The following TGFA variants were observed in gnomAD, a reference collection of about 807,000 sequenced individuals.
TGFA encodes the protein protransforming growth factor alpha.
TGFA carries 12 observed loss-of-function variants against 21.7 expected under a neutral mutation model. The ratio of observed to expected loss-of-function variants is 0.55; its 90% CI spans 0.35 to 0.90. TGFA has a LOEUF of 0.90. Ranked by LOEUF, TGFA falls within the 40% of genes least tolerant of loss-of-function variation. The probability of loss-of-function intolerance (pLI) is 0.01; values close to 1 mark genes in which losing one functional copy is unlikely to be tolerated. For synonymous variants in TGFA, 79 were observed against 88.1 expected (o/e 0.90, Z 0.58); for missense variants, 178 against 210.8 (o/e 0.84, Z 0.96).
intron 2 of TGFA, among the ~76,000 whole-genome samples, chr2:70,497,131 G>T (rs924326989): frequency 3.9e-5 from 6 of 152,340 alleles, no homozygotes; most frequent in Admixed American, 1.3e-4. Flanking sequence ...GGAGACCAGG[G>T]AACCGGAGCA....
intron 1 of TGFA, among the ~76,000 whole-genome samples, chr2:70,548,691 T>G (rs1364287224): frequency 6.6e-6 from 1 of 152,228 alleles, no homozygotes; most frequent in Non-Finnish European, 1.5e-5. Context: ...ATACATTAAA[T>G]TCCATCTCAA....
At chr2:70,476,073 T>C (rs1553494247) in intron 2 of TGFA, among the ~76,000 whole-genome samples, 1 of 64,308 alleles carries the variant, frequency 1.6e-5, no homozygotes, top group Non-Finnish European at 3.2e-5. Context: ...GTCTTAGTAA[T>C]TTTAAGCAAA....
rs1401325328 is a variant in TGFA, at chr2:70,521,615, TTG to T, written c.41-6705_41-6704del. 8.7e-4 allele frequency among the ~76,000 whole-genome samples: 80 copies of T among 91,738 alleles called. 2 individuals are homozygous for T. The highest frequency in any genetic ancestry group is 8.2e-3 in the East Asian group (25 of 3,056). The allele number at this position is 91,738 out of a possible 152,430, so 60.2% of individuals were successfully genotyped here. On this transcript the variant is annotated intron_variant, in intron 1 of 5. Transcript: ENST00000295400. ...GATAGTTTTTTTTGTTGTTGTTTGT[TTG>T]TTTTTTTTTTTTTTTTTTTTTGAGT... is the stretch of plus-strand genomic sequence containing the variant.
intron 1 of TGFA, among the ~76,000 whole-genome samples, chr2:70,540,004 C>T (rs1178319657): frequency 1.3e-5 from 2 of 152,118 alleles, no homozygotes; most frequent in Non-Finnish European, 2.9e-5. Flanking sequence ...GCCTCATGAC[C>T]CGGCCCAATT....
At chr2:70,505,912 G>C (rs1479002070) in intron 2 of TGFA, among the ~76,000 whole-genome samples, 1 of 152,226 alleles carries the variant, frequency 6.6e-6, no homozygotes, top group Non-Finnish European at 1.5e-5. Flanking sequence ...AACGAGGAAA[G>C]GAGATTCTGA....
In TGFA at chr2:70,465,720, A is replaced by C; in HGVS notation, c.111T>G (p.Ala37=). ...CATTAAAATGGGACACCACTGCTGCAGCCACGGGCGGGTCTGCTGGGGAGA... is the reference window on the plus strand; with the variant it reads ...CATTAAAATGGGACACCACTGCTGCCGCCACGGGCGGGTCTGCTGGGGAGA... ...TSPLSADPPV[A]AAVVSHFNDC... The change falls in exon 3 of 6, where the codon GCT becomes GCG. Residue 37 remains alanine, a synonymous_variant. Coordinates refer to ENST00000295400, the MANE Select transcript of TGFA (RefSeq NM_003236.4). 6.2e-7 allele frequency: 1 copy of C among 1,614,096 alleles called. No individual in the cohort carries two copies. Among genetic ancestry groups the C allele is most frequent in the Non-Finnish European group, 8.5e-7 (1 of 1,180,008 alleles).
intron 1 of TGFA, among the ~76,000 whole-genome samples, chr2:70,516,338 T>C (rs2103859424): frequency 6.6e-6 from 1 of 152,264 alleles, no homozygotes; most frequent in African/African-American, 2.4e-5. Flanking sequence ...TCACTTAGGG[T>C]GTAGACACAG....
chr2:70,535,623 C>T (rs1333543615), intron 1 of TGFA, among the ~76,000 whole-genome samples: 2 of 152,208 alleles, frequency 1.3e-5, no homozygotes, highest in African/African-American at 4.8e-5. Flanking sequence ...CATAGATATT[C>T]CACATGCCTC....
chr2:70,537,252 C>G (rs1385334203), intron 1 of TGFA, among the ~76,000 whole-genome samples: 5 of 152,118 alleles, frequency 3.3e-5, no homozygotes, highest in Non-Finnish European at 7.4e-5. Flanking sequence ...AGTCATTTCT[C>G]CATCTCTCTC....
chr2:70,474,969 CGT>C (rs57147767), intron 2 of TGFA, among the ~76,000 whole-genome samples: 3,376 of 147,572 alleles, frequency 0.023, 88 homozygotes, highest in African/African-American at 0.061. Flanking sequence ...ACACAGCAGC[CGT>C]GTGTGTGTGT....
At chr2:70,455,076 C>G in intron 4 of TGFA, among the ~76,000 whole-genome samples, 1 of 152,226 alleles carries the variant, frequency 6.6e-6, no homozygotes, top group Admixed American at 6.5e-5. Flanking sequence ...GGCTGTGGCC[C>G]AGTCTGAACC....
intron 1 of TGFA, among the ~76,000 whole-genome samples, chr2:70,546,257 C>T (rs1042075526): frequency 1.5e-5 from 1 of 66,662 alleles, no homozygotes; most frequent in African/African-American, 4.9e-5. Context: ...ACACTGGAAC[C>T]TGCCCTTTTA....
chr2:70,453,301 T>A lies in TGFA; in HGVS notation c.392A>T (p.Glu131Val), dbSNP rs1553489977. 6.2e-7 allele frequency: 1 copy of A among 1,613,834 alleles called. No homozygotes were observed. ...IHCCQVRKHCEWCRALICRHE... is the reference protein window; with the variant it reads ...IHCCQVRKHCVWCRALICRHE... ...CCGGCAGATGAGGGCCCGGCACCAC[T>A]CACAGTGTTTTCGGACCTGGCAGCA... The change falls in exon 5 of 6, where the codon GAG becomes GTG. Residue 131 changes from glutamate (E) to valine (V), a missense_variant. Glu to Val is a moderately radical substitution (Grantham distance 121). Coordinates refer to ENST00000295400, the MANE Select transcript of TGFA (RefSeq NM_003236.4).
At chr2:70,510,776 T>C (rs369231234) in intron 2 of TGFA, among the ~76,000 whole-genome samples, 1 of 151,998 alleles carries the variant, frequency 6.6e-6, no homozygotes, top group Non-Finnish European at 1.5e-5. Context: ...AAGAAACCAA[T>C]GAAATGTCAA....
chr2:70,538,375 C>A (rs992723682), intron 1 of TGFA, among the ~76,000 whole-genome samples: 1 of 152,118 alleles, frequency 6.6e-6, no homozygotes, highest in Non-Finnish European at 1.5e-5. Flanking sequence ...GCTATTGCTG[C>A]CACAGATTTG....
In TGFA at chr2:70,502,509, C is replaced by T. The variant is rs552368266; in HGVS notation, c.94+12350G>A. ...TGTGAGTCACCATGCCTGGCTAAGACGGGATTTTACCATGTTGGCCAGGCT... is the reference window on the plus strand; with the variant it reads ...TGTGAGTCACCATGCCTGGCTAAGATGGGATTTTACCATGTTGGCCAGGCT... On this transcript the variant is annotated intron_variant, in intron 2 of 5. Coordinates refer to ENST00000295400, the MANE Select transcript of TGFA (RefSeq NM_003236.4). 9.9e-5 allele frequency among the ~76,000 whole-genome samples: 15 copies of T among 152,032 alleles called. No homozygotes were observed. In the Middle Eastern group the frequency reaches 0.014, roughly 139 times the overall value.
chr2:70,515,469 C>T (rs1672242170), intron 1 of TGFA, among the ~76,000 whole-genome samples: 1 of 152,146 alleles, frequency 6.6e-6, no homozygotes, highest in African/African-American at 2.4e-5. Flanking sequence ...GGGTTTCCTT[C>T]CAGCTGGCAG....
At chr2:70,551,680 T>G (rs970988048) in intron 1 of TGFA, among the ~76,000 whole-genome samples, 2 of 151,276 alleles carry the variant, frequency 1.3e-5, no homozygotes, top group African/African-American at 4.9e-5. Context: ...TAAAAAGGAG[T>G]CCTCACTGGT....
intron 3 of TGFA, among the ~76,000 whole-genome samples, chr2:70,457,576 C>T (rs1355910830): frequency 5.4e-5 from 8 of 149,306 alleles, no homozygotes; most frequent in African/African-American, 2.0e-4. Flanking sequence ...GAGTCTCACT[C>T]TTGTGCCCAG....
Sources: gnomAD v4.1 joint callset for allele counts (sites outside exome capture counted in the v4.1 genomes callset) on GRCh38, gnomAD v4.1.1 for gene constraint, MANE v1.5 for transcripts, NCBI Gene and HGNC (gene_info 2026-07-23, HGNC 2026-07-21) for gene names.